Variants in BDP1 observed in about 807,000 individuals in gnomAD.
The protein encoded by BDP1 is BDP1 general transcription factor IIIB subunit.
A neutral mutation model predicts 266.6 loss-of-function variants in BDP1; 169 were observed. That is an observed-to-expected ratio of 0.63 (90% CI 0.56 to 0.72). BDP1 has a LOEUF of 0.72. Among genes scored for constraint, BDP1 ranks in the 30% least tolerant of loss-of-function variants. BDP1 has a pLI of 0.00. For missense variants in BDP1, 3,015 were observed against 3,053.8 expected, an observed-to-expected ratio of 0.99 and a Z score of 0.30; for synonymous variants, 1,090 against 1,022.4, an observed-to-expected ratio of 1.07 and a Z score of -1.26.
At chr5:71,551,733 G>A (rs1208839470) in intron 34 of BDP1, among the ~76,000 whole-genome samples, 3 of 150,648 alleles carry the variant, frequency 2.0e-5, no homozygotes, top group Non-Finnish European at 4.4e-5. Context: ...CCGGGCAGAG[G>A]TGCCCCTCAC....
intron 35 of BDP1, among the ~76,000 whole-genome samples, chr5:71,555,287 C>T (rs1743134594): frequency 6.6e-6 from 1 of 152,086 alleles, no homozygotes; most frequent in Admixed American, 6.5e-5. Context: ...ATCTTATTTC[C>T]ACTGATAGGA....
intron 7 of BDP1, among the ~76,000 whole-genome samples, chr5:71,472,853 C>A (rs7732012): frequency 1.4e-5 from 2 of 142,604 alleles, no homozygotes; most frequent in African/African-American, 2.6e-5. Flanking sequence ...TATAAATATA[C>A]TCTTTCATTG....
chr5:71,480,714 C>A (rs1159556545), intron 7 of BDP1, among the ~76,000 whole-genome samples: 4 of 151,606 alleles, frequency 2.6e-5, no homozygotes, highest in Non-Finnish European at 5.9e-5. Flanking sequence ...CAGGTGCATG[C>A]CACCATGCCT....
At chr5:71,551,994 C>T (rs1392808899) in intron 34 of BDP1, among the ~76,000 whole-genome samples, 6 of 140,216 alleles carry the variant, frequency 4.3e-5, no homozygotes, top group Non-Finnish European at 6.2e-5. Flanking sequence ...GCTGGCCTGG[C>T]GAGGGCTGAC....
At chr5:71,562,033 A>G (rs1050849026) in intron 37 of BDP1, among the ~76,000 whole-genome samples, 3 of 151,902 alleles carry the variant, frequency 2.0e-5, no homozygotes, top group Admixed American at 6.6e-5. Context: ...TGACGACGTC[A>G]GGAGTTCGAG....
chr5:71,549,187 G>T (rs140778973), intron 33 of BDP1, among the ~76,000 whole-genome samples: 9 of 152,148 alleles, frequency 5.9e-5, no homozygotes, highest in African/African-American at 2.2e-4. Context: ...GCAGTGAGCC[G>T]AGATTGTGCC....
At chr5:71,539,789 A>T in intron 28 of BDP1, 140 bp downstream of exon 28, 2 of 576,750 alleles carry the variant, frequency 3.5e-6, no homozygotes, top group Non-Finnish European at 6.1e-6. Context: ...TATGATATGT[A>T]TGTATTGATC....
chr5:71,458,838 G>A lies in BDP1; in HGVS notation c.472G>A (p.Glu158Lys). 1 of 1,610,940 alleles carries A rather than the reference G, an allele frequency of 6.2e-7. No homozygotes were observed. Among genetic ancestry groups the A allele is most frequent in the South Asian group, 1.1e-5 (1 of 90,212 alleles). The change falls in exon 2 of 39, where the codon GAA (glutamate) becomes AAA (lysine). Residue 158 changes from glutamate (E) to lysine (K), a missense_variant. Around this residue, in one of 3 missense-constraint regions of BDP1, gnomAD observed 2,383 missense variants for 2,404.9 expected, o/e 0.99. Transcript: ENST00000358731. ...AQKLREMLKE[E>K]LRKEKKQWKN... ...GAAACTGAGGGAAATGTTAAAAGAA[G>A]AATTGAGAAAAGAGAAGGTAAGGGA...
intron 29 of BDP1, 40 bp from the exon 30 acceptor site, chr5:71,542,065 T>C (rs1766999539): frequency 6.5e-7 from 1 of 1,532,794 alleles, no homozygotes; most frequent in Non-Finnish European, 8.9e-7. Flanking sequence ...GAGAGCAAGA[T>C]CTAACATGAT....
At chr5:71,464,476 C>T (rs906376422) in intron 4 of BDP1, among the ~76,000 whole-genome samples, 1 of 152,042 alleles carries the variant, frequency 6.6e-6, no homozygotes, top group South Asian at 2.1e-4. Flanking sequence ...GCCTGGGTGA[C>T]AGAGCAAGAC....
At position 71,562,436 on chromosome 5, in the gene BDP1, A is replaced by G. The variant is rs763850893; in HGVS notation, c.7659A>G (p.Glu2553=). The change falls in exon 38 of 39, where the codon GAA becomes GAG. Residue 2553 remains glutamate (E), a synonymous_variant. Transcript: ENST00000358731. ...KRSNPFNESQ[E]KNRESSDLLP... is the part of the protein sequence containing the mutation. The stretch of plus-strand genomic sequence containing the variant: ...CTAATCCATTCAATGAAAGCCAGGA[A>G]AAAAATCGAGAGTCCTCTGATCTGC... The G allele has an allele frequency of 6.2e-7, 1 of 1,614,030 alleles. No homozygotes were observed. The highest frequency in any genetic ancestry group is 1.1e-5 in the South Asian group (1 of 91,084).
At chr5:71,531,570 A>T (rs779370369) in intron 25 of BDP1, among the ~76,000 whole-genome samples, 1 of 152,016 alleles carries the variant, frequency 6.6e-6, no homozygotes, top group Non-Finnish European at 1.5e-5. Flanking sequence ...GTGCAGTGGC[A>T]TAATCTCGGC....
At chr5:71,457,120 CAG>C (rs1283958956) in intron 1 of BDP1, among the ~76,000 whole-genome samples, 1 of 151,990 alleles carries the variant, frequency 6.6e-6, no homozygotes, top group Non-Finnish European at 1.5e-5. Context: ...ATAAAGTTCT[CAG>C]AGATTTCGTT....
chr5:71,510,689 T>G lies in BDP1; in HGVS notation c.3597T>G (p.Asp1199Glu), dbSNP rs538801957. ...ATGCTGCTGAGGTAATAGAGACAGA[T>G]TTGGAAGAAACTGAAAGAGAAATAT... ...VIDAAEVIET[D>E]LEETEREISP... The change falls in exon 17 of 39, where the codon GAT becomes GAG. Residue 1199 changes from aspartate (D) to glutamate (E), a missense_variant. Asp to Glu is a conservative substitution (Grantham distance 45). This residue lies in a region of BDP1 where 2,383 missense variants were observed against 2,404.9 expected (regional missense o/e 0.99). Transcript: ENST00000358731. The G allele has an allele frequency of 1.9e-6, 3 of 1,612,182 alleles. No individual in the cohort carries two copies. The highest frequency in any genetic ancestry group is 2.7e-5 in the African/African-American group (2 of 74,260).
Position 71,566,539 on chromosome 5 carries a change from G to C in BDP1, c.*1654G>C, listed in dbSNP as rs1436851035. ...ATTTGAAAAGCCTCTTGGATTGATA[G>C]TATAGTAGCTCAGGCATTGGAAACT... On this transcript the variant is annotated 3_prime_UTR_variant, in exon 39 of 39. Coordinates refer to ENST00000358731, the MANE Select transcript of BDP1 (RefSeq NM_018429.3). The C allele has an allele frequency of 6.6e-6, 1 of 152,256 alleles. No homozygotes were observed. Among genetic ancestry groups the C allele is most frequent in the Admixed American group, 6.5e-5 (1 of 15,286 alleles). The allele number at this position is 152,256 out of a possible 1,614,324, so 9.4% of individuals were successfully genotyped here.
chr5:71,499,848 A>G (rs1400800831), intron 13 of BDP1, among the ~76,000 whole-genome samples: 7 of 152,100 alleles, frequency 4.6e-5, no homozygotes, highest in African/African-American at 1.7e-4. Context: ...CAAGGAAACA[A>G]AGTATAAATT....
At chr5:71,483,302 C>T (rs1763071531) in intron 7 of BDP1, among the ~76,000 whole-genome samples, 1 of 152,140 alleles carries the variant, frequency 6.6e-6, no homozygotes, top group Admixed American at 6.5e-5. Context: ...AAACATCTCC[C>T]TCTTAATGGA....
rs760476397 is a variant in BDP1, at chr5:71,470,450, C to T, written c.975C>T (p.Ile325=). 16 of 1,612,098 alleles carry T rather than the reference C, an allele frequency of 9.9e-6. No homozygotes were observed. Among genetic ancestry groups the T allele is most frequent in the African/African-American group, 2.7e-5 (2 of 74,816 alleles). Residue 325 remains isoleucine (I), a synonymous_variant, in exon 7 of 39, where the codon ATC becomes ATT. Coordinates refer to ENST00000358731, the MANE Select transcript of BDP1 (RefSeq NM_018429.3). Reference sequence around the variant, plus strand: ...TGGTAGGAACTGACTTTTCTATGATCGGACAACTTTTTCCTCACAGAGCAA... The same window carrying T: ...TGGTAGGAACTGACTTTTCTATGATTGGACAACTTTTTCCTCACAGAGCAA... The part of the protein sequence containing the change: ...ISMVGTDFSM[I]GQLFPHRARI...
Position 71,549,490 on chromosome 5 carries a change from C to T in BDP1, c.6879C>T (p.Ile2293=). The T allele has an allele frequency of 1.2e-6, 2 of 1,614,056 alleles. No homozygotes were observed. Among genetic ancestry groups the T allele is most frequent in the Non-Finnish European group, 1.7e-6 (2 of 1,179,998 alleles). The change falls in exon 34 of 39, where the codon ATC becomes ATT. Residue 2293 remains isoleucine (I), a synonymous_variant. Transcript: ENST00000358731. ...EQAFILTLVE[I]PANAVEEFTD... is the part of the protein sequence containing the mutation. ...CCTTTATTTTAACTCTGGTGGAAAT[C>T]CCAGCCAATGCAGTAGAAGAATTTA... is the stretch of plus-strand genomic sequence containing the variant.
Sources: gnomAD v4.1 joint callset for allele counts (sites outside exome capture counted in the v4.1 genomes callset) on GRCh38, gnomAD v4.1.1 for gene constraint, gnomAD v4.1.1 regional missense constraint, MANE v1.5 for transcripts, NCBI Gene and HGNC (gene_info 2026-07-23, HGNC 2026-07-21) for gene names.